Variants in CRTAC1 observed in about 807,000 individuals in gnomAD.
The protein encoded by CRTAC1 is acidic secreted protein in cartilage.
Under a neutral mutation model 67.8 loss-of-function variants are expected in CRTAC1, and 37 were observed. The observed-to-expected ratio is 0.55, with a 90% CI of 0.42 to 0.72. The LOEUF (loss-of-function observed/expected upper bound fraction) is 0.72, where lower values mean the gene tolerates loss of function less well. CRTAC1 is among the 30% of genes least tolerant of loss of function. CRTAC1 has a pLI of 0.00. For missense variants in CRTAC1, 780 were observed against 931.6 expected (o/e 0.84, Z 2.12); for synonymous variants, 348 against 371.0 (o/e 0.94, Z 0.71).
intron 2 of CRTAC1, among the ~76,000 whole-genome samples, chr10:97,948,875 C>T (rs995649266): frequency 2.0e-5 from 3 of 152,108 alleles, no homozygotes; most frequent in African/African-American, 7.2e-5. Context: ...CACATGGCGT[C>T]AGGAGAGATA....
At chr10:97,971,154 A>G (rs566295921) in intron 2 of CRTAC1, among the ~76,000 whole-genome samples, 84 of 152,374 alleles carry the variant, frequency 5.5e-4, no homozygotes, top group African/African-American at 2.0e-3. Context: ...GGTTTTGGAA[A>G]GCAATTTCAC....
Position 97,895,402 on chromosome 10 carries a change from G to A in CRTAC1, c.1329C>T (p.Asn443=), listed in dbSNP as rs374079029. The A allele has an allele frequency of 6.2e-7, 1 of 1,605,100 alleles. No homozygotes were observed. Among genetic ancestry groups the A allele is most frequent in the South Asian group, 1.1e-5 (1 of 89,430 alleles). Residue 443 remains asparagine, a synonymous_variant, in exon 11 of 15, where the codon AAC becomes AAT. Transcript: ENST00000370597. The surrounding 1 kb of genome is among the most constrained non-coding windows in gnomAD (Gnocchi z 4.2). The part of the protein sequence containing the change: ...SVFRGNQGFN[N]NWLRVVPRTR... ...TGCGTGGCACCACTCGCAGCCAGTT[G>A]TTGTTGAAGCCCTGCAGAGAGGGTG... is the stretch of plus-strand genomic sequence containing the variant.
chr10:97,949,051 G>T (rs1370281764), intron 2 of CRTAC1, among the ~76,000 whole-genome samples: 1 of 152,222 alleles, frequency 6.6e-6, no homozygotes, highest in African/African-American at 2.4e-5. Context: ...TAAGATTTGG[G>T]TGGGGACACA....
At chr10:97,913,709 C>T (rs1238040355) in intron 5 of CRTAC1, among the ~76,000 whole-genome samples, 1 of 152,182 alleles carries the variant, frequency 6.6e-6, no homozygotes, top group African/African-American at 2.4e-5. Context: ...TCCTGGGGGT[C>T]CCGGGCCCTG....
chr10:97,919,914 T>G (rs10883016), intron 4 of CRTAC1, among the ~76,000 whole-genome samples: 101,403 of 151,584 alleles, frequency 0.67, 35,273 homozygotes, highest in East Asian at 0.83. Context: ...TAATTTTTTT[T>G]TTTGTTTGTT....
chr10:97,996,450 A>C (rs993353874), intron 2 of CRTAC1, among the ~76,000 whole-genome samples: 1,875 of 152,222 alleles, frequency 0.012, 38 homozygotes, highest in African/African-American at 0.043. Context: ...TCTCAAAAGA[A>C]GACATTTATG....
intron 11 of CRTAC1, among the ~76,000 whole-genome samples, chr10:97,887,855 C>T (rs1241583557): frequency 6.6e-6 from 1 of 152,250 alleles, no homozygotes; most frequent in Non-Finnish European, 1.5e-5. Flanking sequence ...TGGGGTCTCC[C>T]TACAGTTTCC....
intron 12 of CRTAC1, 107 bp from the exon 13 acceptor site, chr10:97,882,935 G>A (rs2050235303): frequency 1.8e-6 from 2 of 1,134,938 alleles, no homozygotes; most frequent in African/African-American, 1.5e-5. Context: ...CACAGTGTGA[G>A]GCATGCTCTG....
Position 97,993,958 on chromosome 10 carries a change from G to A in CRTAC1, c.224+17180C>T, listed in dbSNP as rs182294754. The stretch of plus-strand genomic sequence containing the variant: ...TGCAACCTCCACCTCCTGGGTTCAA[G>A]TGATTTTCCTGCCTCAGCCTCCCAA... On this transcript the variant is annotated intron_variant, in intron 2 of 14. Coordinates refer to ENST00000370597, the MANE Select transcript of CRTAC1 (RefSeq NM_018058.7). 5.3e-3 allele frequency among the ~76,000 whole-genome samples: 805 copies of A among 152,212 alleles called. 1 individual carries two copies. The highest frequency in any genetic ancestry group is 8.4e-3 in the Non-Finnish European group (569 of 68,016).
chr10:98,020,088 C>G lies in CRTAC1; in HGVS notation c.25-8751G>C, dbSNP rs1843085803. 2.0e-5 allele frequency among the ~76,000 whole-genome samples: 3 copies of G among 152,172 alleles called. No individual in the cohort carries two copies. The South Asian group carries it at 6.2e-4, about 32-fold the overall frequency. On this transcript the variant is annotated intron_variant, in intron 1 of 14. Coordinates refer to ENST00000370597, the MANE Select transcript of CRTAC1 (RefSeq NM_018058.7). ...CCACCTTTCCTGTGGGGGATCTGCC[C>G]CTTTCTCACTCACCTGAACAATAGC...
chr10:97,981,091 GGTGAAGAGAAACACATAA>G (rs2051884439), intron 2 of CRTAC1, among the ~76,000 whole-genome samples: 1 of 152,116 alleles, frequency 6.6e-6, no homozygotes, highest in South Asian at 2.1e-4. Flanking sequence ...TTCCCAATTA[GGTGAAGAGAAACACATAA>G]TTGTTCCCCT....
At chr10:98,028,434 G>A (rs1327569340) in intron 1 of CRTAC1, among the ~76,000 whole-genome samples, 2 of 152,214 alleles carry the variant, frequency 1.3e-5, no homozygotes, top group Non-Finnish European at 2.9e-5. Flanking sequence ...GCAAGGGAGC[G>A]CTTGAGCATG....
intron 2 of CRTAC1, among the ~76,000 whole-genome samples, chr10:97,997,215 C>T (rs1304610033): frequency 2.1e-5 from 3 of 141,084 alleles, no homozygotes; most frequent in Admixed American, 1.4e-4. Flanking sequence ...TGCACATGTA[C>T]CCTAAAACTT....
At chr10:97,910,572 G>A (rs1425369250) in intron 5 of CRTAC1, among the ~76,000 whole-genome samples, 3 of 152,156 alleles carry the variant, frequency 2.0e-5, no homozygotes, top group Non-Finnish European at 2.9e-5. Flanking sequence ...AAAAATAAAC[G>A]AAAGCTCAAG....
chr10:97,889,461 G>C (rs561396834), intron 11 of CRTAC1, among the ~76,000 whole-genome samples: 50 of 91,068 alleles, frequency 5.5e-4, no homozygotes, highest in African/African-American at 1.4e-3. Context: ...GGTGGGGGGG[G>C]GTCCACTGAG....
At chr10:97,934,294 G>T (rs2136611198) in intron 3 of CRTAC1, among the ~76,000 whole-genome samples, 1 of 152,324 alleles carries the variant, frequency 6.6e-6, no homozygotes, top group Middle Eastern at 3.4e-3. Context: ...GGCTTGGCTG[G>T]AGAGAGGGCA....
At chr10:97,894,079 TAA>T (rs1303470469) in intron 11 of CRTAC1, among the ~76,000 whole-genome samples, 12 of 152,222 alleles carry the variant, frequency 7.9e-5, no homozygotes, top group African/African-American at 1.4e-4. Flanking sequence ...TGTGTGGATA[TAA>T]GTTTTCATTC....
chr10:97,937,492 T>C (rs925566182), intron 2 of CRTAC1, among the ~76,000 whole-genome samples: 1 of 152,250 alleles, frequency 6.6e-6, no homozygotes, highest in African/African-American at 2.4e-5. Context: ...CTGGTCCCAC[T>C]AGAATGTCTG....
At chr10:97,994,235 C>T (rs1353193217) in intron 2 of CRTAC1, among the ~76,000 whole-genome samples, 2 of 152,108 alleles carry the variant, frequency 1.3e-5, no homozygotes, top group African/African-American at 4.8e-5. Context: ...ATTCAGATAG[C>T]AAAAACTCCT....
Sources: allele counts gnomAD v4.1 joint callset (sites outside exome capture counted in the v4.1 genomes callset), GRCh38; gene constraint gnomAD v4.1.1; non-coding constraint Gnocchi (gnomAD v3.1); transcripts MANE v1.5; gene names NCBI Gene and HGNC (gene_info 2026-07-23, HGNC 2026-07-21).